The following RGS6 variants were observed in gnomAD, a reference collection of about 807,000 sequenced individuals.
The protein encoded by RGS6 is regulator of G protein signaling 6.
Under a neutral mutation model 78.5 loss-of-function variants are expected in RGS6, and 30 were observed. That is an observed-to-expected ratio of 0.38 (90% CI 0.29 to 0.52). The LOEUF (loss-of-function observed/expected upper bound fraction) is 0.52. Among genes scored for constraint, RGS6 ranks in the 20% least tolerant of loss-of-function variants. The pLI, the probability that RGS6 is intolerant of heterozygous loss-of-function variation, is 0.85. For missense variants in RGS6, 495 were observed against 609.7 expected (o/e 0.81, Z 1.98); for synonymous variants, 206 against 206.0 (o/e 1.00, Z 0.00).
At chr14:72,319,605 T>G (rs2152504952) in intron 2 of RGS6, among the ~76,000 whole-genome samples, 1 of 152,010 alleles carries the variant, frequency 6.6e-6, no homozygotes, top group South Asian at 2.1e-4. Flanking sequence ...CCTCCCAAAG[T>G]TCTGGGATTA....
chr14:72,478,536 C>T (rs1352174438), intron 12 of RGS6, among the ~76,000 whole-genome samples: 1 of 152,120 alleles, frequency 6.6e-6, no homozygotes, highest in Non-Finnish European at 1.5e-5. Flanking sequence ...TGTTCCGTTG[C>T]TAAGGCTTTA....
At chr14:72,541,047 C>G (rs1271228517) in intron 17 of RGS6, 1 of 1,328,288 alleles carries the variant, frequency 7.5e-7, no homozygotes, top group Non-Finnish European at 9.9e-7. Flanking sequence ...AAGAAATACT[C>G]AATCCCGCTC....
chr14:72,234,669 C>T (rs2050538349), intron 2 of RGS6, among the ~76,000 whole-genome samples: 1 of 151,962 alleles, frequency 6.6e-6, no homozygotes, highest in Admixed American at 6.6e-5. Flanking sequence ...GACACCACCA[C>T]CAGTCCCAGC....
intron 2 of RGS6, among the ~76,000 whole-genome samples, chr14:72,181,264 A>G (rs2097170149): frequency 6.6e-6 from 1 of 152,214 alleles, no homozygotes; most frequent in Non-Finnish European, 1.5e-5. Flanking sequence ...AGGAGCAGGT[A>G]AAATAATTTT....
Position 72,028,404 on chromosome 14 carries a change from C to T in RGS6, c.84+63529C>T, listed in dbSNP as rs145203132. 7.2e-3 allele frequency among the ~76,000 whole-genome samples: 1,100 copies of T among 152,312 alleles called. 13 individuals are homozygous for T. The highest frequency in any genetic ancestry group is 0.025 in the African/African-American group (1,039 of 41,564). ...AGTAGAGCTCAAGGTATTCTTTCAT[C>T]CTTCCTCCTTCTTAGCTAATACATC... On this transcript the variant is annotated intron_variant, in intron 2 of 17. Transcript: ENST00000553525.
Position 72,467,522 on chromosome 14 carries a change from G to A in RGS6, c.459+1700G>A, listed in dbSNP as rs61436859. 7.6e-3 allele frequency among the ~76,000 whole-genome samples: 1,159 copies of A among 152,190 alleles called. 14 individuals are homozygous for A. Among genetic ancestry groups the A allele is most frequent in the African/African-American group, 0.026 (1,100 of 41,530 alleles). On this transcript the variant is annotated intron_variant, in intron 7 of 17. Coordinates refer to ENST00000553525, the MANE Select transcript of RGS6 (RefSeq NM_001204424.2). ...AGCCTACCAAGCCAGCTGGGCCATCGCTCCCCTCTCTACAGCCCAAGTGTG... is the reference window on the plus strand; with the variant it reads ...AGCCTACCAAGCCAGCTGGGCCATCACTCCCCTCTCTACAGCCCAAGTGTG...
At chr14:72,345,784 C>A (rs184098881) in intron 2 of RGS6, among the ~76,000 whole-genome samples, 1 of 152,322 alleles carries the variant, frequency 6.6e-6, no homozygotes, top group Admixed American at 6.5e-5. Context: ...CAGTGAATGT[C>A]CACTAAGCCA....
chr14:71,946,127 T>C (rs1237259485), intron 1 of RGS6, among the ~76,000 whole-genome samples: 1 of 152,070 alleles, frequency 6.6e-6, no homozygotes, highest in East Asian at 1.9e-4. Flanking sequence ...ATTTTAGACT[T>C]TTTTTTAGGT....
At chr14:72,198,339 A>C (rs546769581) in intron 2 of RGS6, among the ~76,000 whole-genome samples, 22 of 152,364 alleles carry the variant, frequency 1.4e-4, no homozygotes, top group African/African-American at 5.3e-4. Context: ...GCGACAGAGC[A>C]AAACCTTGTC....
At chr14:72,046,207 T>G (rs1172159808) in intron 2 of RGS6, among the ~76,000 whole-genome samples, 2 of 118,670 alleles carry the variant, frequency 1.7e-5, no homozygotes, top group Non-Finnish European at 4.0e-5. Context: ...TTGTTGGGTT[T>G]TTTTTTTTTT....
the RGS6 span, among the ~76,000 whole-genome samples, chr14:71,919,166 G>A: frequency 1.3e-5 from 2 of 152,116 alleles, no homozygotes; most frequent in African/African-American, 2.4e-5. Flanking sequence ...GCTTCCCCAC[G>A]GCTTCTGGTA....
intron 2 of RGS6, among the ~76,000 whole-genome samples, chr14:72,271,796 C>A (rs1052386024): frequency 6.6e-6 from 1 of 152,114 alleles, no homozygotes; most frequent in Non-Finnish European, 1.5e-5. Flanking sequence ...TCTGGAGGCT[C>A]TAGGGGAGAA....
intron 2 of RGS6, among the ~76,000 whole-genome samples, chr14:72,336,053 G>A (rs2075967058): frequency 6.6e-6 from 1 of 152,154 alleles, no homozygotes; most frequent in African/African-American, 2.4e-5. Flanking sequence ...TGCATCCTGA[G>A]ATCAAATTCA....
chr14:72,353,919 G>A (rs1398064501), intron 3 of RGS6, among the ~76,000 whole-genome samples: 1 of 152,034 alleles, frequency 6.6e-6, no homozygotes, highest in East Asian at 1.9e-4. Flanking sequence ...GGGAGGTAGA[G>A]GTTGCAGTGA....
At chr14:72,521,885 G>C (rs1321315526) in intron 15 of RGS6, among the ~76,000 whole-genome samples, 1 of 152,218 alleles carries the variant, frequency 6.6e-6, no homozygotes, top group Non-Finnish European at 1.5e-5. Flanking sequence ...ATAAGACAGA[G>C]TAAATACTAC....
intron 2 of RGS6, among the ~76,000 whole-genome samples, chr14:72,272,188 A>G (rs769238485): frequency 3.3e-5 from 5 of 152,198 alleles, no homozygotes; most frequent in Middle Eastern, 3.2e-3. Context: ...TTGATAAATC[A>G]GATAAGTACC....
chr14:72,106,163 CT>C (rs900315092), intron 2 of RGS6, among the ~76,000 whole-genome samples: 16 of 152,272 alleles, frequency 1.1e-4, no homozygotes, highest in African/African-American at 3.1e-4. Flanking sequence ...TTGATAAGAA[CT>C]TTTTTTCTAA....
intron 2 of RGS6, among the ~76,000 whole-genome samples, chr14:71,966,852 A>T (rs2093551319): frequency 6.6e-6 from 1 of 152,182 alleles, no homozygotes. Context: ...TGTCTAGAGC[A>T]AATTTATACA....
chr14:72,364,066 A>G (rs2082031461), intron 3 of RGS6, among the ~76,000 whole-genome samples: 1 of 151,670 alleles, frequency 6.6e-6, no homozygotes. Context: ...GGGCTCAGAA[A>G]CTGGTAACAT....
Sources: allele counts gnomAD v4.1 joint callset (sites outside exome capture counted in the v4.1 genomes callset), GRCh38; gene constraint gnomAD v4.1.1; transcripts MANE v1.5; gene names NCBI Gene and HGNC (gene_info 2026-07-23, HGNC 2026-07-21).